CTNNA2: variants seen among roughly 807,000 people sequenced by gnomAD.
The protein encoded by CTNNA2 is catenin alpha-2.
A neutral mutation model predicts 101.0 loss-of-function variants in CTNNA2; 42 were observed. That is an observed-to-expected ratio of 0.42 (90% CI 0.32 to 0.54). The LOEUF (loss-of-function observed/expected upper bound fraction) is 0.54. CTNNA2 is among the 20% of genes least tolerant of loss of function. The pLI is 0.14. For synonymous variants in CTNNA2, 450 were observed against 456.4 expected (o/e 0.99, Z 0.18); for missense variants, 871 against 1,223.1 (o/e 0.71, Z 4.29).
chr2:79,572,819 G>T (rs1023140068), intron 1 of CTNNA2, among the ~76,000 whole-genome samples: 1 of 152,124 alleles, frequency 6.6e-6, no homozygotes, highest in Non-Finnish European at 1.5e-5. Context: ...AGTCTGTGAT[G>T]ATCAGAAAAT....
At chr2:80,429,749 C>T (rs891138248) in intron 9 of CTNNA2, among the ~76,000 whole-genome samples, 3 of 152,162 alleles carry the variant, frequency 2.0e-5, no homozygotes, top group Non-Finnish European at 4.4e-5. Flanking sequence ...TGATATTGGG[C>T]AGTGAACTAA....
chr2:80,416,837 T>C lies in CTNNA2; in HGVS notation c.1138-2612T>C, dbSNP rs540285439. On this transcript the variant is annotated intron_variant, in intron 8 of 18. Coordinates refer to ENST00000402739, the MANE Select transcript of CTNNA2 (RefSeq NM_001282597.3). ...TTGCATTTTTATCAGATTTTGTATG[T>C]CTTATACCCTTGAAAGTCAGTTTTG... Among the ~76,000 whole-genome samples the C allele has an allele frequency of 2.8e-3, 424 of 152,206 alleles. 4 individuals are homozygous for C. Among genetic ancestry groups the C allele is most frequent in the Non-Finnish European group, 4.6e-3 (315 of 67,968 alleles).
chr2:80,567,683 T>G (rs1434002683), intron 12 of CTNNA2, among the ~76,000 whole-genome samples: 2 of 152,090 alleles, frequency 1.3e-5, no homozygotes, highest in African/African-American at 4.8e-5. Context: ...CCCACAGTGA[T>G]CCTCCAAATT....
chr2:80,093,572 A>G (rs1699931963), intron 7 of CTNNA2, among the ~76,000 whole-genome samples: 1 of 152,180 alleles, frequency 6.6e-6, no homozygotes, highest in Admixed American at 6.5e-5. Context: ...TCCCTGAGGA[A>G]TCACCACACT....
At chr2:79,286,871 C>G (rs1450365036) in intron 2 of CTNNA2, among the ~76,000 whole-genome samples, 2 of 152,194 alleles carry the variant, frequency 1.3e-5, no homozygotes, top group East Asian at 1.9e-4. Flanking sequence ...GTTCCATTCT[C>G]TCCGTCACTT....
At chr2:80,169,687 G>C (rs4441496) in intron 7 of CTNNA2, among the ~76,000 whole-genome samples, 32,849 of 151,984 alleles carry the variant, frequency 0.22, 4,553 homozygotes, top group African/African-American at 0.38. Flanking sequence ...AGAGCCCTGA[G>C]CAACTGAGAT....
chr2:79,945,634 A>G (rs911799391), intron 7 of CTNNA2, among the ~76,000 whole-genome samples: 1 of 152,152 alleles, frequency 6.6e-6, no homozygotes, highest in Non-Finnish European at 1.5e-5. Context: ...TAGGTTTTTG[A>G]CTTATTGGTT....
chr2:79,361,208 A>G (rs1439037671), intron 3 of CTNNA2, among the ~76,000 whole-genome samples: 3 of 152,262 alleles, frequency 2.0e-5, no homozygotes, highest in African/African-American at 7.2e-5. Context: ...CTTTAATTTT[A>G]TTTGTTGTTT....
intron 15 of CTNNA2, among the ~76,000 whole-genome samples, chr2:80,600,754 C>T (rs1697422271): frequency 6.6e-6 from 1 of 152,086 alleles, no homozygotes; most frequent in African/African-American, 2.4e-5. Context: ...AAGCAAACCT[C>T]TCACATCAGC....
chr2:80,445,333 C>T (rs1455487512), intron 9 of CTNNA2, among the ~76,000 whole-genome samples: 5 of 151,976 alleles, frequency 3.3e-5, no homozygotes, highest in Non-Finnish European at 7.4e-5. Context: ...AGGTGTGCAC[C>T]ACCATGCCTG....
chr2:80,300,831 C>T (rs1676218026), intron 7 of CTNNA2, among the ~76,000 whole-genome samples: 1 of 151,988 alleles, frequency 6.6e-6, no homozygotes, highest in Non-Finnish European at 1.5e-5. Context: ...CTTCTCTGCA[C>T]CCACCAACTG....
intron 1 of CTNNA2, among the ~76,000 whole-genome samples, chr2:79,567,187 A>G (rs148493603): frequency 6.6e-6 from 1 of 152,304 alleles, no homozygotes; most frequent in African/African-American, 2.4e-5. Context: ...TTGTGATTGC[A>G]TGAGGGCAAT....
chr2:80,102,069 T>C (rs1364028928), intron 7 of CTNNA2, among the ~76,000 whole-genome samples: 1 of 152,174 alleles, frequency 6.6e-6, no homozygotes, highest in Non-Finnish European at 1.5e-5. Context: ...ACAGGCACCA[T>C]GTGTGTGTGG....
chr2:79,378,416 A>AT (rs556474176), intron 4 of CTNNA2, among the ~76,000 whole-genome samples: 56 of 152,186 alleles, frequency 3.7e-4, no homozygotes, highest in African/African-American at 1.2e-3. Context: ...AGTTTTGTTT[A>AT]TTTGTTTTTT....
At chr2:79,337,883 G>T (rs1417064670) in intron 3 of CTNNA2, among the ~76,000 whole-genome samples, 2 of 152,112 alleles carry the variant, frequency 1.3e-5, no homozygotes, top group East Asian at 3.9e-4. Flanking sequence ...TCTTCGTGGG[G>T]TTCTGATTTA....
intron 7 of CTNNA2, among the ~76,000 whole-genome samples, chr2:80,135,839 A>C (rs1212690601): frequency 2.0e-5 from 3 of 152,144 alleles, no homozygotes; most frequent in Non-Finnish European, 2.9e-5. Context: ...TACTGCTCAC[A>C]GTGGCTTGAA....
At position 80,312,660 on chromosome 2, in the gene CTNNA2, A is replaced by G. The variant is rs117707887; in HGVS notation, c.1057-80551A>G. ...GAGAAACTTGGGGTTCAATATATTTAACAGAACCAATTTAATTCTATAGTA... is the reference window on the plus strand; with the variant it reads ...GAGAAACTTGGGGTTCAATATATTTGACAGAACCAATTTAATTCTATAGTA... On this transcript the variant is annotated intron_variant, in intron 7 of 18. Coordinates refer to ENST00000402739, the MANE Select transcript of CTNNA2 (RefSeq NM_001282597.3). 3.8e-3 allele frequency among the ~76,000 whole-genome samples: 577 copies of G among 152,366 alleles called. 34 individuals are homozygous for G. In the East Asian group the frequency reaches 0.092, roughly 24 times the overall value.
intron 3 of CTNNA2, among the ~76,000 whole-genome samples, chr2:79,816,956 C>T (rs1677555586): frequency 6.6e-6 from 1 of 152,130 alleles, no homozygotes; most frequent in South Asian, 2.1e-4. Flanking sequence ...TTCCCCATTT[C>T]AGTCATTAAA....
At chr2:79,416,811 A>G (rs532576757) in intron 4 of CTNNA2, among the ~76,000 whole-genome samples, 2 of 152,072 alleles carry the variant, frequency 1.3e-5, no homozygotes, top group African/African-American at 2.4e-5. Flanking sequence ...TAGGCAGCTC[A>G]ATTCCTCTTT....
Sources: gnomAD v4.1 joint callset for allele counts (sites outside exome capture counted in the v4.1 genomes callset) on GRCh38, gnomAD v4.1.1 for gene constraint, MANE v1.5 for transcripts, NCBI Gene and HGNC (gene_info 2026-07-23, HGNC 2026-07-21) for gene names.